Variants in IQGAP2 observed in about 807,000 individuals in gnomAD.
IQGAP2 encodes ras GTPase-activating-like protein IQGAP2.
A neutral mutation model predicts 201.3 loss-of-function variants in IQGAP2; 173 were observed. The ratio of observed to expected loss-of-function variants is 0.86; its 90% CI spans 0.76 to 0.98. The LOEUF is 0.98. Among genes scored for constraint, IQGAP2 ranks in the 50% least tolerant of loss-of-function variants. IQGAP2 has a pLI of 0.00. For missense variants in IQGAP2, 1,687 were observed against 1,864.8 expected, an observed-to-expected ratio of 0.90 and a Z score of 1.76; for synonymous variants, 675 against 673.9, an observed-to-expected ratio of 1.00 and a Z score of -0.03.
intron 28 of IQGAP2, among the ~76,000 whole-genome samples, chr5:76,678,112 G>T (rs1008277217): frequency 6.6e-6 from 1 of 152,078 alleles, no homozygotes; most frequent in Admixed American, 6.5e-5. Context: ...GGGGAAATGA[G>T]AATATTCTTT....
chr5:76,584,081 C>T (rs1054510087), intron 5 of IQGAP2, among the ~76,000 whole-genome samples: 1 of 151,998 alleles, frequency 6.6e-6, no homozygotes, highest in African/African-American at 2.4e-5. Flanking sequence ...CCATGTTGAC[C>T]AGGCTGGTCT....
At chr5:76,611,727 A>T (rs1382110756) in intron 13 of IQGAP2, among the ~76,000 whole-genome samples, 1 of 152,238 alleles carries the variant, frequency 6.6e-6, no homozygotes, top group Non-Finnish European at 1.5e-5. Context: ...GTGTGGAGGT[A>T]GAGCAGAAGC....
intron 24 of IQGAP2, among the ~76,000 whole-genome samples, chr5:76,672,708 T>C (rs1343309591): frequency 1.3e-5 from 2 of 152,192 alleles, no homozygotes; most frequent in African/African-American, 4.8e-5. Flanking sequence ...ACAGGATCTG[T>C]ATAGAATGTC....
chr5:76,638,117 G>T (rs916547967), intron 16 of IQGAP2, among the ~76,000 whole-genome samples: 6 of 152,320 alleles, frequency 3.9e-5, no homozygotes, highest in Admixed American at 6.5e-5. Context: ...TAGGACATTT[G>T]TTAGTTTTTG....
intron 1 of IQGAP2, among the ~76,000 whole-genome samples, chr5:76,411,717 G>A (rs772054900): frequency 1.2e-4 from 19 of 152,252 alleles, no homozygotes; most frequent in Admixed American, 5.2e-4. Context: ...AGAACTGTGC[G>A]GAAACAAATT....
intron 2 of IQGAP2, among the ~76,000 whole-genome samples, chr5:76,551,300 G>A (rs1375771475): frequency 4.6e-5 from 7 of 151,610 alleles, no homozygotes; most frequent in South Asian, 2.1e-4. Context: ...GATGATGGGC[G>A]GCCGGGCAGA....
At chr5:76,498,141 C>T (rs1757089869) in intron 2 of IQGAP2, among the ~76,000 whole-genome samples, 2 of 152,192 alleles carry the variant, frequency 1.3e-5, no homozygotes, top group South Asian at 2.1e-4. Context: ...CCACCATGGA[C>T]ATTGTGATTG....
chr5:76,429,894 C>CACACACAT (rs1401698379), intron 1 of IQGAP2, among the ~76,000 whole-genome samples: 1 of 150,232 alleles, frequency 6.7e-6, no homozygotes, highest in African/African-American at 2.5e-5. Flanking sequence ...CACACACACA[C>CACACACAT]GACTATTTCA....
intron 23 of IQGAP2, among the ~76,000 whole-genome samples, chr5:76,671,320 C>T (rs1398494950): frequency 6.6e-6 from 1 of 152,152 alleles, no homozygotes; most frequent in African/African-American, 2.4e-5. Context: ...AGCACACCAA[C>T]TTAGATTTTC....
chr5:76,621,230 C>T (rs1749637739), intron 13 of IQGAP2, among the ~76,000 whole-genome samples: 1 of 152,132 alleles, frequency 6.6e-6, no homozygotes, highest in South Asian at 2.1e-4. Context: ...GGAAACCCTC[C>T]ACGTAAACCT....
At position 76,640,989 on chromosome 5, in the gene IQGAP2, A is replaced by C; in HGVS notation, c.1980A>C (p.Ser660=). The part of the protein sequence containing the change: ...GYIRENIWSA[S]EELLLRFQAT... ...TTCGTGAGAATATATGGTCTGCTTC[A>C]GAAGAGTTGCTTCTTCGCTTTCAAG... The change falls in exon 17 of 36, where the codon TCA becomes TCC. Residue 660 remains serine (S), a synonymous_variant. Coordinates refer to ENST00000274364, the MANE Select transcript of IQGAP2 (RefSeq NM_006633.5). 6.2e-7 allele frequency: 1 copy of C among 1,610,238 alleles called. No homozygotes were observed. The highest frequency in any genetic ancestry group is 8.5e-7 in the Non-Finnish European group (1 of 1,176,754).
chr5:76,436,893 T>G (rs1194155777), intron 1 of IQGAP2, among the ~76,000 whole-genome samples: 3 of 152,010 alleles, frequency 2.0e-5, no homozygotes, highest in Admixed American at 6.6e-5. Context: ...TAAACATACA[T>G]TTATATGTTT....
chr5:76,420,455 A>G (rs1751668487), intron 1 of IQGAP2, among the ~76,000 whole-genome samples: 2 of 149,606 alleles, frequency 1.3e-5, no homozygotes, highest in Non-Finnish European at 3.0e-5. Flanking sequence ...GGCTCACTGC[A>G]ATCTCCGCCT....
Position 76,411,193 on chromosome 5 carries a change from A to G in IQGAP2, c.46+7602A>G, listed in dbSNP as rs141930650. Among the ~76,000 whole-genome samples the G allele has an allele frequency of 3.7e-3, 563 of 152,280 alleles. 1 individual carries two copies. Among genetic ancestry groups the G allele is most frequent in the Non-Finnish European group, 5.9e-3 (399 of 68,020 alleles). ...TAGAGCATCAGAAAGGTAAAGAGGC[A>G]TTTCTGATATATAGTTACTCTTCAC... On this transcript the variant is annotated intron_variant, in intron 1 of 35. Transcript: ENST00000274364.
intron 17 of IQGAP2, among the ~76,000 whole-genome samples, chr5:76,642,568 G>A (rs938397367): frequency 6.6e-6 from 1 of 152,112 alleles, no homozygotes; most frequent in Non-Finnish European, 1.5e-5. Context: ...ATAGGAACCT[G>A]CTGACCCATA....
At chr5:76,465,033 A>C (rs1754697292) in intron 2 of IQGAP2, among the ~76,000 whole-genome samples, 1 of 152,206 alleles carries the variant, frequency 6.6e-6, no homozygotes, top group African/African-American at 2.4e-5. Flanking sequence ...ACTCTTCCAA[A>C]AAATACGAAA....
intron 26 of IQGAP2, 119 bp from the exon 27 acceptor site, chr5:76,674,358 A>G (rs375954431): frequency 3.2e-6 from 2 of 633,066 alleles, no homozygotes. Context: ...TTACATCAGA[A>G]AATGATCTGC....
chr5:76,613,147 C>T (rs1748560953), intron 13 of IQGAP2, among the ~76,000 whole-genome samples: 1 of 152,208 alleles, frequency 6.6e-6, no homozygotes. Context: ...GCTGTCTCAT[C>T]TGATGTGAAC....
intron 5 of IQGAP2, 77 bp downstream of exon 5, chr5:76,575,846 T>G (rs1332570500): frequency 6.3e-6 from 5 of 797,908 alleles, no homozygotes; most frequent in Non-Finnish European, 7.8e-6. Context: ...TTAAAAGAGG[T>G]TTTAAGTTAC....
Sources: allele counts gnomAD v4.1 joint callset (sites outside exome capture counted in the v4.1 genomes callset), GRCh38; gene constraint gnomAD v4.1.1; transcripts MANE v1.5; gene names NCBI Gene and HGNC (gene_info 2026-07-23, HGNC 2026-07-21).